The following SULT1B1 variants were observed in gnomAD, a reference collection of about 807,000 sequenced individuals.
SULT1B1 encodes sulfotransferase family 1B member 1.
A neutral mutation model predicts 34.6 loss-of-function variants in SULT1B1; 28 were observed. The ratio of observed to expected loss-of-function variants is 0.81; its 90% CI spans 0.60 to 1.11. The LOEUF is 1.11. Among genes scored for constraint, SULT1B1 ranks in the 50% least tolerant of loss-of-function variants. SULT1B1 has a pLI of 0.00. For synonymous variants in SULT1B1, 147 were observed against 110.2 expected, an observed-to-expected ratio of 1.33 and a Z score of -2.09; for missense variants, 374 against 352.2, an observed-to-expected ratio of 1.06 and a Z score of -0.50.
chr4:69,757,349 A>C (rs1476439894), intron 1 of SULT1B1, among the ~76,000 whole-genome samples: 2 of 152,216 alleles, frequency 1.3e-5, no homozygotes, highest in Non-Finnish European at 2.9e-5. Flanking sequence ...AATAACTTTA[A>C]AGATTGCCAA....
rs116547594 is a variant in SULT1B1 at position 69,758,370 on chromosome 4, A to G, written c.-45+2089T>C. 1,113 of 985,438 alleles carry G rather than the reference A, an allele frequency of 1.1e-3. 7 individuals carry two copies. In the African/African-American group the frequency reaches 0.012, roughly 11 times the overall value. The allele number at this position is 985,438 out of a possible 1,614,324, so 61.0% of individuals were successfully genotyped here. On this transcript the variant is annotated intron_variant, in intron 1 of 7. Transcript: ENST00000310613. ...TTTGGATATAAAGGAATCAGAGTCC[A>G]CAGAAGTCAACATAGTACATTCAGA...
At chr4:69,727,275 A>G in intron 7 of SULT1B1, 75 bp from the exon 8 acceptor site, 4 of 1,089,760 alleles carry the variant, frequency 3.7e-6, no homozygotes, top group Admixed American at 2.9e-5. Flanking sequence ...CCAAAGGAAA[A>G]GATTAGAAGG....
At chr4:69,730,757 GTT>G in intron 6 of SULT1B1, 76 bp from the exon 7 acceptor site, 1 of 1,368,994 alleles carries the variant, frequency 7.3e-7, no homozygotes, top group Non-Finnish European at 9.9e-7. Context: ...TTTATAATCC[GTT>G]TTTTTAAATG....
At chr4:69,733,584 T>A in intron 5 of SULT1B1, 77 bp from the exon 6 acceptor site, 1 of 1,114,492 alleles carries the variant, frequency 9.0e-7, no homozygotes, top group Non-Finnish European at 1.3e-6. Flanking sequence ...AATCAAATTG[T>A]GAAAACATTT....
rs1343051313 is a variant in SULT1B1, at chr4:69,724,005, G to C, written c.*3083C>G. 1 of 152,196 alleles carries C rather than the reference G, an allele frequency of 6.6e-6. No individual in the cohort carries two copies. Among genetic ancestry groups the C allele is most frequent in the African/African-American group, 2.4e-5 (1 of 41,442 alleles). 9.4% of individuals were successfully genotyped at this position (152,196 alleles called of 1,614,324 possible). A position where few individuals can be genotyped will look rare whatever the true frequency, so the allele number is the denominator to read the frequency against. ...TCTCTCACCACTCCTATTCAACATA[G>C]TGTTGGAAGTTCTGGCCAGGGCAAT... On this transcript the variant is annotated 3_prime_UTR_variant, in exon 8 of 8. Transcript: ENST00000310613.
rs1257594902 is a variant in SULT1B1, at chr4:69,749,656, A to ACC, written c.375+64_375+65insGG. ...AGAAACAAAAAATATTTTAAAAAAT[A>ACC]AACTATGTGAGTGGGTAAAGGGATA... is the stretch of plus-strand genomic sequence containing the variant. On this transcript the variant is annotated intron_variant, in intron 4 of 7. Coordinates refer to ENST00000310613, the MANE Select transcript of SULT1B1 (RefSeq NM_014465.4). 1.3e-4 allele frequency: 146 copies of ACC among 1,153,182 alleles called. No individual in the cohort carries two copies. The Middle Eastern group carries it at 2.6e-3, about 20-fold the overall frequency. 71.4% of individuals were successfully genotyped at this position (1,153,182 alleles called of 1,614,324 possible). A position where few individuals can be genotyped will look rare whatever the true frequency, so the allele number is the denominator to read the frequency against.
In SULT1B1 at chr4:69,750,445, G is replaced by A. The variant is rs142787726; in HGVS notation, c.278-627C>T. ...TGGTAGAACTTGATTTCAAATTAAG[G>A]TCTTAAGATAGATGATACATAAACT... On this transcript the variant is annotated intron_variant, in intron 3 of 7. Coordinates refer to ENST00000310613, the MANE Select transcript of SULT1B1 (RefSeq NM_014465.4). Among the ~76,000 whole-genome samples the A allele has an allele frequency of 1.1e-3, 174 of 152,128 alleles. 1 individual carries two copies. The highest frequency in any genetic ancestry group is 4.0e-3 in the African/African-American group (166 of 41,526).
chr4:69,734,094 T>A, intron 5 of SULT1B1, 44 bp downstream of exon 5: 2 of 1,442,560 alleles, frequency 1.4e-6, no homozygotes, highest in Non-Finnish European at 1.9e-6. Flanking sequence ...ATAGTATTAT[T>A]AAAATAAAAA....
At chr4:69,741,994 T>C (rs1383807941) in intron 4 of SULT1B1, among the ~76,000 whole-genome samples, 1 of 152,208 alleles carries the variant, frequency 6.6e-6, no homozygotes, top group African/African-American at 2.4e-5. Context: ...CTTTTTCCTG[T>C]TCAGTGTGTT....
chr4:69,733,562 G>A (rs1464915832), intron 5 of SULT1B1, 55 bp from the exon 6 acceptor site: 3 of 1,287,568 alleles, frequency 2.3e-6, no homozygotes, highest in Non-Finnish European at 3.2e-6. Context: ...AAATATTTCT[G>A]TCTGAATAGT....
At position 69,730,490 on chromosome 4, in the gene SULT1B1, A is replaced by G; in HGVS notation, c.778+11T>C. On this transcript the variant is annotated intron_variant, in intron 7 of 7. Transcript: ENST00000310613. ...GTACGAAAGGGAAATTAAACCCAGC[A>G]AAGTATTTACCTTTACGCATAAAAG... The G allele has an allele frequency of 6.3e-7, 1 of 1,582,246 alleles. No homozygotes were observed. Among genetic ancestry groups the G allele is most frequent in the Non-Finnish European group, 8.6e-7 (1 of 1,156,736 alleles).
At chr4:69,745,038 T>C (rs1028418573) in intron 4 of SULT1B1, among the ~76,000 whole-genome samples, 3 of 152,234 alleles carry the variant, frequency 2.0e-5, no homozygotes, top group Non-Finnish European at 2.9e-5. Flanking sequence ...TTGTAGGGTT[T>C]TGATAGGGCT....
At chr4:69,737,747 C>T (rs1014323032) in intron 4 of SULT1B1, among the ~76,000 whole-genome samples, 10 of 151,642 alleles carry the variant, frequency 6.6e-5, no homozygotes, top group Non-Finnish European at 8.8e-5. Flanking sequence ...AAATGAACTC[C>T]AAAATGTTTA....
intron 2 of SULT1B1, 53 bp downstream of exon 2, chr4:69,755,017 C>A: frequency 6.8e-7 from 1 of 1,476,446 alleles, no homozygotes; most frequent in South Asian, 1.2e-5. Flanking sequence ...AAGTTGATTT[C>A]CAGGAAACAA....
chr4:69,754,843 C>A (rs541778308), intron 2 of SULT1B1, 45 bp from the exon 3 acceptor site: 10 of 1,586,400 alleles, frequency 6.3e-6, no homozygotes, highest in South Asian at 4.6e-5. Flanking sequence ...CCAAATTGCA[C>A]GGGAGAGGGA....
At chr4:69,758,883 A>G (rs1394451308) in intron 1 of SULT1B1, among the ~76,000 whole-genome samples, 1 of 152,188 alleles carries the variant, frequency 6.6e-6, no homozygotes, top group Non-Finnish European at 1.5e-5. Flanking sequence ...TTCAAATTAC[A>G]GTCCATGTAC....
Position 69,749,080 on chromosome 4 carries a change from A to C in SULT1B1, c.375+641T>G, listed in dbSNP as rs147646864. The stretch of plus-strand genomic sequence containing the variant: ...ATTGATAAAACGAAAAACTAGCTTT[A>C]ATAATATCAATAAAATTAATATACT... On this transcript the variant is annotated intron_variant, in intron 4 of 7. Transcript: ENST00000310613. Among the ~76,000 whole-genome samples the C allele has an allele frequency of 5.5e-4, 84 of 152,234 alleles. 2 individuals are homozygous for C. In the East Asian group the frequency reaches 0.014, roughly 26 times the overall value.
At chr4:69,744,181 G>A (rs943593279) in intron 4 of SULT1B1, among the ~76,000 whole-genome samples, 2 of 152,116 alleles carry the variant, frequency 1.3e-5, no homozygotes, top group Admixed American at 1.3e-4. Flanking sequence ...CGGGTGACTG[G>A]GTGCGGCCTC....
At chr4:69,752,604 A>T (rs985874686) in intron 3 of SULT1B1, among the ~76,000 whole-genome samples, 35 of 152,190 alleles carry the variant, frequency 2.3e-4, no homozygotes, top group African/African-American at 8.0e-4. Context: ...AACTTTGAAA[A>T]ATTGAATATA....
Sources: gnomAD v4.1 joint callset for allele counts (sites outside exome capture counted in the v4.1 genomes callset) on GRCh38, gnomAD v4.1.1 for gene constraint, MANE v1.5 for transcripts, NCBI Gene and HGNC (gene_info 2026-07-23, HGNC 2026-07-21) for gene names.